Variants in PPA2 observed in about 807,000 individuals in gnomAD.
PPA2 encodes the protein inorganic pyrophosphatase 2, also known as inorganic pyrophosphatase 2, mitochondrial.
A neutral mutation model predicts 49.5 loss-of-function variants in PPA2; 48 were observed. That is an observed-to-expected ratio of 0.97 (90% CI 0.77 to 1.23). PPA2 has a LOEUF of 1.23. PPA2 is among the 50% of genes most tolerant of loss of function. The pLI is 0.00. For synonymous variants in PPA2, 131 were observed against 139.9 expected, an observed-to-expected ratio of 0.94 and a Z score of 0.45; for missense variants, 429 against 410.1, an observed-to-expected ratio of 1.05 and a Z score of -0.40.
intron 1 of PPA2, among the ~76,000 whole-genome samples, chr4:105,469,962 C>T (rs563460021): frequency 6.6e-6 from 1 of 152,326 alleles, no homozygotes; most frequent in Non-Finnish European, 1.5e-5. Flanking sequence ...GTAATTTCAA[C>T]ACAAGCACAT....
At chr4:105,434,015 ACT>A (rs1018739110) in intron 6 of PPA2, among the ~76,000 whole-genome samples, 2 of 151,964 alleles carry the variant, frequency 1.3e-5, no homozygotes, top group African/African-American at 4.8e-5. Context: ...TTTTTTTGAG[ACT>A]CAGTCTTACC....
At chr4:105,389,613 TG>T (rs1733823364) in intron 9 of PPA2, among the ~76,000 whole-genome samples, 1 of 151,922 alleles carries the variant, frequency 6.6e-6, no homozygotes, top group African/African-American at 2.4e-5. Flanking sequence ...AAAAATGCTG[TG>T]TACAACAAGC....
intron 10 of PPA2, among the ~76,000 whole-genome samples, chr4:105,371,239 G>A (rs1389839098): frequency 1.3e-5 from 2 of 152,056 alleles, no homozygotes; most frequent in Non-Finnish European, 2.9e-5. Flanking sequence ...GTTTGTTCAT[G>A]CTTGCTATAA....
At chr4:105,410,686 G>C (rs1722711000) in intron 7 of PPA2, among the ~76,000 whole-genome samples, 1 of 152,194 alleles carries the variant, frequency 6.6e-6, no homozygotes, top group Admixed American at 6.5e-5. Context: ...TACCCACAAA[G>C]GGAAGCCCAT....
chr4:105,473,720 G>C (rs769131765), intron 1 of PPA2, 174 bp downstream of exon 1: 8 of 1,015,996 alleles, frequency 7.9e-6, no homozygotes, highest in East Asian at 2.4e-5. Context: ...GGCAGTTCTC[G>C]TGACTCGGTG....
At chr4:105,387,839 A>T (rs1733746253) in intron 9 of PPA2, among the ~76,000 whole-genome samples, 1 of 151,070 alleles carries the variant, frequency 6.6e-6, no homozygotes, top group South Asian at 2.1e-4. Context: ...CAATTGAAAA[A>T]GGCAGAGCCC....
chr4:105,440,803 A>G (rs766304244), intron 5 of PPA2, among the ~76,000 whole-genome samples: 2 of 152,162 alleles, frequency 1.3e-5, no homozygotes, highest in Non-Finnish European at 2.9e-5. Context: ...CTCCAATTTC[A>G]ACATTACCTA....
rs371572644 is a variant in PPA2, at chr4:105,427,027, C to T, written c.529-2705G>A. On this transcript the variant is annotated intron_variant, in intron 6 of 11. Transcript: ENST00000341695. ...TCAGGCAGCAATATTTGCTGTTCCG[C>T]AGCCTCTGCTGGTGATACCCAGGCA... Among the ~76,000 whole-genome samples the T allele has an allele frequency of 7.9e-5, 12 of 152,334 alleles. No individual in the cohort carries two copies. In the East Asian group the frequency reaches 2.3e-3, roughly 29 times the overall value.
At chr4:105,378,118 A>G (rs1270341715) in intron 10 of PPA2, among the ~76,000 whole-genome samples, 1 of 152,204 alleles carries the variant, frequency 6.6e-6, no homozygotes, top group East Asian at 1.9e-4. Flanking sequence ...TCAAGAAAAT[A>G]CCAAAATGTT....
At chr4:105,431,313 A>G (rs1339132743) in intron 6 of PPA2, among the ~76,000 whole-genome samples, 1 of 152,234 alleles carries the variant, frequency 6.6e-6, no homozygotes, top group Non-Finnish European at 1.5e-5. Context: ...TTTTAAATGC[A>G]TTATTTTATT....
chr4:105,370,536 AATCTTTTAAAATTAAATGT>A (rs1230360262), intron 11 of PPA2: 4 of 909,990 alleles, frequency 4.4e-6, no homozygotes, highest in Non-Finnish European at 1.3e-6. Flanking sequence ...TTTTTAATTA[AATCTTTTAAAATTAAATGT>A]ATCAGAACTG....
At chr4:105,423,881 G>A (rs888679185) in intron 7 of PPA2, among the ~76,000 whole-genome samples, 1 of 152,046 alleles carries the variant, frequency 6.6e-6, no homozygotes, top group Non-Finnish European at 1.5e-5. Flanking sequence ...GTCAAAGGAT[G>A]CTTTCAAAAC....
intron 5 of PPA2, among the ~76,000 whole-genome samples, chr4:105,441,918 T>C (rs1358167354): frequency 1.3e-5 from 2 of 152,118 alleles, no homozygotes; most frequent in African/African-American, 2.4e-5. Flanking sequence ...AAGCCATATA[T>C]ACAGGTGGTT....
chr4:105,394,755 G>A (rs1187757841), intron 9 of PPA2, among the ~76,000 whole-genome samples: 1 of 152,072 alleles, frequency 6.6e-6, no homozygotes, highest in African/African-American at 2.4e-5. Context: ...CCAAACAAAG[G>A]GTCTCTGGCT....
At chr4:105,399,988 A>G (rs1336060784) in intron 7 of PPA2, among the ~76,000 whole-genome samples, 1 of 152,120 alleles carries the variant, frequency 6.6e-6, no homozygotes, top group African/African-American at 2.4e-5. Context: ...CACATTCTAT[A>G]TACTACCCAC....
At chr4:105,407,303 T>TA (rs1722527097) in intron 7 of PPA2, among the ~76,000 whole-genome samples, 1 of 152,146 alleles carries the variant, frequency 6.6e-6, no homozygotes, top group Non-Finnish European at 1.5e-5. Flanking sequence ...TTACTTTCTT[T>TA]AAAAAACATT....
chr4:105,386,561 C>T lies in PPA2; in HGVS notation c.939+6G>A, dbSNP rs749961062. On this transcript the variant is annotated splice_donor_region_variant and intron_variant, in intron 10 of 11. Coordinates refer to ENST00000341695, the MANE Select transcript of PPA2 (RefSeq NM_176869.3). ...TTAAAGGATGTCTTGGATGTTTGCC[C>T]CTTACCGATTCAACTAATGATCTTG... is the stretch of plus-strand genomic sequence containing the variant. The T allele has an allele frequency of 6.2e-7, 1 of 1,607,108 alleles. No homozygotes were observed. Among genetic ancestry groups the T allele is most frequent in the East Asian group, 2.2e-5 (1 of 44,716 alleles).
chr4:105,427,198 A>C (rs1348808180), intron 6 of PPA2, among the ~76,000 whole-genome samples: 1 of 152,222 alleles, frequency 6.6e-6, no homozygotes, highest in Non-Finnish European at 1.5e-5. Context: ...TCCATAGGTC[A>C]CCAACATCAA....
chr4:105,414,815 C>T (rs554078481), intron 7 of PPA2, among the ~76,000 whole-genome samples: 1 of 152,230 alleles, frequency 6.6e-6, no homozygotes, highest in South Asian at 2.1e-4. Context: ...GTGCTTCTCC[C>T]GTACAGAAGA....
Sources: allele counts gnomAD v4.1 joint callset (sites outside exome capture counted in the v4.1 genomes callset), GRCh38; gene constraint gnomAD v4.1.1; transcripts MANE v1.5; gene names NCBI Gene and HGNC (gene_info 2026-07-23, HGNC 2026-07-21).